KDM7A: variants seen among roughly 807,000 people sequenced by gnomAD.
KDM7A encodes the protein lysine-specific demethylase 7A.
A neutral mutation model predicts 114.8 loss-of-function variants in KDM7A; 28 were observed. That is an observed-to-expected ratio of 0.24 (90% CI 0.18 to 0.33). KDM7A has a LOEUF of 0.33. KDM7A is among the 10% of genes least tolerant of loss of function. KDM7A has a pLI of 1.00. For missense variants in KDM7A, 942 were observed against 1,142.5 expected (o/e 0.82, Z 2.53); for synonymous variants, 423 against 397.8 (o/e 1.06, Z -0.75).
intron 1 of KDM7A, among the ~76,000 whole-genome samples, chr7:140,175,357 T>C (rs558729334): frequency 6.6e-6 from 1 of 152,134 alleles, no homozygotes; most frequent in Admixed American, 6.5e-5. Flanking sequence ...AGTGTTTCTG[T>C]AAAATTGGGG....
chr7:140,153,023 C>G (rs1183233602), intron 1 of KDM7A, among the ~76,000 whole-genome samples: 1 of 151,794 alleles, frequency 6.6e-6, no homozygotes, highest in African/African-American at 2.4e-5. Context: ...CCACACCCAG[C>G]TAATTTTTGT....
chr7:140,088,145 T>C lies in KDM7A; in HGVS notation c.*2949A>G. ...AAGATGGGCTTGTTTCCTCTGAGTT[T>C]ATGATTTCAGTCAGAATCTTCAATT... On this transcript the variant is annotated 3_prime_UTR_variant, in exon 20 of 20. Coordinates refer to ENST00000397560, the MANE Select transcript of KDM7A (RefSeq NM_030647.2). The C allele has an allele frequency of 5.3e-6, 1 of 188,820 alleles. No homozygotes were observed. Among genetic ancestry groups the C allele is most frequent in the African/African-American group, 2.3e-5 (1 of 43,112 alleles). The allele number at this position is 188,820 out of a possible 1,614,324, so 11.7% of individuals were successfully genotyped here. A position where few individuals can be genotyped will look rare whatever the true frequency, so the allele number is the denominator to read the frequency against.
At chr7:140,098,560 T>G (rs942408909) in intron 14 of KDM7A, among the ~76,000 whole-genome samples, 4 of 152,158 alleles carry the variant, frequency 2.6e-5, no homozygotes, top group Admixed American at 2.6e-4. Context: ...AAACGAAACT[T>G]GAAACTTTTA....
rs764707583 is a variant in KDM7A at position 140,092,089 on chromosome 7, G to A, written c.2458-12C>T. On this transcript the variant is annotated splice_polypyrimidine_tract_variant and intron_variant, in intron 18 of 19. Coordinates refer to ENST00000397560, the MANE Select transcript of KDM7A (RefSeq NM_030647.2). ...CTTCTACTTAGATCCTGAAGGAGGA[G>A]GAAGGACATGAGGCTGAATTTTTAG... The A allele has an allele frequency of 2.5e-6, 4 of 1,613,462 alleles. No individual in the cohort carries two copies. In the East Asian group the frequency reaches 8.9e-5, roughly 36 times the overall value.
chr7:140,124,069 C>CAA (rs71170945), intron 7 of KDM7A, among the ~76,000 whole-genome samples: 8 of 112,684 alleles, frequency 7.1e-5, no homozygotes, highest in African/African-American at 2.2e-4. Flanking sequence ...GACTCTGTCT[C>CAA]AAAAAAAAAA....
chr7:140,103,380 T>C (rs1818267122), intron 11 of KDM7A, among the ~76,000 whole-genome samples: 1 of 152,056 alleles, frequency 6.6e-6, no homozygotes, highest in African/African-American at 2.4e-5. Context: ...TTGTTACATA[T>C]GTATACATGT....
chr7:140,112,894 C>T (rs1818455588), intron 10 of KDM7A, among the ~76,000 whole-genome samples: 1 of 152,184 alleles, frequency 6.6e-6, no homozygotes, highest in Non-Finnish European at 1.5e-5. Flanking sequence ...CAAATGCAAA[C>T]AACTAGCTCA....
At chr7:140,137,148 T>C (rs139844494) in intron 2 of KDM7A, among the ~76,000 whole-genome samples, 18 of 152,262 alleles carry the variant, frequency 1.2e-4, no homozygotes, top group Non-Finnish European at 2.5e-4. Context: ...GTGTTTTCCC[T>C]GTAAGTACAC....
chr7:140,115,855 G>GT (rs1431186272), intron 9 of KDM7A, among the ~76,000 whole-genome samples: 1 of 98,796 alleles, frequency 1.0e-5, no homozygotes, highest in Non-Finnish European at 2.1e-5. Flanking sequence ...TACAAGAAAA[G>GT]TAAAAAAAAA....
intron 1 of KDM7A, among the ~76,000 whole-genome samples, chr7:140,143,020 A>T (rs1228716969): frequency 6.6e-6 from 1 of 151,920 alleles, no homozygotes. Flanking sequence ...TCTCTACTAA[A>T]AATACAAAAA....
Position 140,091,258 on chromosome 7 carries a change from G to A in KDM7A, c.2732-70C>T, listed in dbSNP as rs75405175. The A allele has an allele frequency of 3.9e-3, 3,998 of 1,036,000 alleles. 89 individuals carry two copies. The African/African-American group carries it at 0.053, about 14-fold the overall frequency. The allele number at this position is 1,036,000 out of a possible 1,614,324, so 64.2% of individuals were successfully genotyped here. On this transcript the variant is annotated intron_variant, in intron 19 of 19. Transcript: ENST00000397560. ...CTTAAGAGAGCACCTGGAAGACTACGGGGAGAGCTTTCTTTATGGGAAGTA... is the reference window on the plus strand; with the variant it reads ...CTTAAGAGAGCACCTGGAAGACTACAGGGAGAGCTTTCTTTATGGGAAGTA...
chr7:140,102,050 T>A lies in KDM7A; in HGVS notation c.1539A>T (p.Lys513Asn). The change falls in exon 12 of 20, where the codon AAA becomes AAT. Residue 513 changes from lysine (K) to asparagine (N), a missense_variant. Lys to Asn is a moderately conservative substitution (Grantham distance 94). Transcript: ENST00000397560. ...SPYHSRRKMR[K>N]LRDHNVRTPS... is the part of the protein sequence containing the mutation. ...GAGTTCGGACATTATGATCTCGAAG[T>A]TTCCTCATCTTTCTTCGGGAATGGT... 1 of 1,613,876 alleles carries A rather than the reference T, an allele frequency of 6.2e-7. No homozygotes were observed. Among genetic ancestry groups the A allele is most frequent in the Non-Finnish European group, 8.5e-7 (1 of 1,179,738 alleles).
intron 9 of KDM7A, among the ~76,000 whole-genome samples, chr7:140,114,340 G>C (rs999131901): frequency 6.6e-6 from 1 of 152,218 alleles, no homozygotes; most frequent in African/African-American, 2.4e-5. Context: ...ATTGGTTTTC[G>C]TATTTTTTTG....
intron 3 of KDM7A, among the ~76,000 whole-genome samples, chr7:140,132,219 T>C (rs576466282): frequency 5.9e-5 from 9 of 152,322 alleles, no homozygotes; most frequent in Middle Eastern, 3.4e-3. Context: ...TTTGAAATGA[T>C]GTAAAGCTTT....
chr7:140,134,548 C>T (rs893002493), intron 2 of KDM7A, among the ~76,000 whole-genome samples: 1 of 151,764 alleles, frequency 6.6e-6, no homozygotes, highest in Non-Finnish European at 1.5e-5. Flanking sequence ...TGTACAATTT[C>T]TGTTTTAAAT....
intron 6 of KDM7A, among the ~76,000 whole-genome samples, chr7:140,125,784 G>A (rs1818691319): frequency 6.6e-6 from 1 of 152,096 alleles, no homozygotes; most frequent in South Asian, 2.1e-4. Flanking sequence ...TGCCCAGGCT[G>A]GAGTGCAGTG....
intron 1 of KDM7A, among the ~76,000 whole-genome samples, chr7:140,152,691 C>T (rs575459305): frequency 1.9e-4 from 29 of 151,938 alleles, no homozygotes; most frequent in Admixed American, 5.9e-4. Context: ...AAATAGGTGA[C>T]GCTGAGTTGC....
At chr7:140,171,076 A>G (rs1319448923) in intron 1 of KDM7A, among the ~76,000 whole-genome samples, 2 of 151,762 alleles carry the variant, frequency 1.3e-5, no homozygotes, top group East Asian at 3.9e-4. Context: ...AACAACAACA[A>G]CAACAACAAC....
Position 140,085,713 on chromosome 7 carries a change from T to G in KDM7A, c.*5381A>C, listed in dbSNP as rs1383012192. The G allele has an allele frequency of 2.6e-5, 4 of 152,152 alleles. No homozygotes were observed. 9.4% of individuals were successfully genotyped at this position (152,152 alleles called of 1,614,324 possible). The stretch of plus-strand genomic sequence containing the variant: ...ATAAACTGTAAGGCCCTTAGTTTGG[T>G]TTAGGTTTCTTTTGCAAGATAAAAT... On this transcript the variant is annotated 3_prime_UTR_variant, in exon 20 of 20. Transcript: ENST00000397560.
Sources: gnomAD v4.1 joint callset for allele counts (sites outside exome capture counted in the v4.1 genomes callset) on GRCh38, gnomAD v4.1.1 for gene constraint, MANE v1.5 for transcripts, NCBI Gene and HGNC (gene_info 2026-07-23, HGNC 2026-07-21) for gene names.